Variants in NR4A3 observed in about 807,000 individuals in gnomAD.
NR4A3 encodes nuclear receptor subfamily 4 group A member 3.
Under a neutral mutation model 55.6 loss-of-function variants are expected in NR4A3, and 13 were observed. That is an observed-to-expected ratio of 0.23 (90% CI 0.15 to 0.37). The LOEUF is 0.37. Ranked by LOEUF, NR4A3 falls within the 10% of genes least tolerant of loss-of-function variation. The pLI is 1.00. For synonymous variants in NR4A3, 342 were observed against 357.9 expected (o/e 0.96, Z 0.50); for missense variants, 646 against 822.8 (o/e 0.79, Z 2.63).
chr9:99,859,609 C>T (rs756088488), intron 7 of NR4A3, among the ~76,000 whole-genome samples: 4 of 152,042 alleles, frequency 2.6e-5, no homozygotes, highest in African/African-American at 7.3e-5. Flanking sequence ...CAGGAGGTAT[C>T]GATCTCCACT....
chr9:99,834,794 A>AT, intron 5 of NR4A3: 1 of 985,422 alleles, frequency 1.0e-6, no homozygotes, highest in African/African-American at 1.7e-5. Flanking sequence ...TCTGCACCTG[A>AT]TAACAAAACG....
rs911633103 is a variant in NR4A3 at position 99,839,271 on chromosome 9, A to C, written c.1255-5378A>C. On this transcript the variant is annotated intron_variant, in intron 5 of 7. Transcript: ENST00000395097. ...AAAGTGTAAGAACCTAAGAATATGT[A>C]TACATAGTTTGACTTATACAATGAT... is the stretch of plus-strand genomic sequence containing the variant. 2.0e-5 allele frequency among the ~76,000 whole-genome samples: 3 copies of C among 152,262 alleles called. No homozygotes were observed. The South Asian group carries it at 6.2e-4, about 31-fold the overall frequency.
chr9:99,841,321 T>C (rs1827647466), intron 5 of NR4A3, among the ~76,000 whole-genome samples: 2 of 151,814 alleles, frequency 1.3e-5, no homozygotes. Flanking sequence ...TTTGCTCCCA[T>C]GGTCTATTAC....
rs1303671764 is a variant in NR4A3 at position 99,864,171 on chromosome 9, C to G, written c.*304C>G. The G allele has an allele frequency of 6.4e-6, 2 of 314,048 alleles. No homozygotes were observed. Among genetic ancestry groups the G allele is most frequent in the African/African-American group, 4.2e-5 (2 of 47,706 alleles). 19.5% of individuals were successfully genotyped at this position (314,048 alleles called of 1,614,324 possible). On this transcript the variant is annotated 3_prime_UTR_variant, in exon 8 of 8. Transcript: ENST00000395097. ...ACAAAGCACTTTTGGACAATGCTATCCCAGCAGGAAAAAAAAGGATAATAT... is the reference window on the plus strand; with the variant it reads ...ACAAAGCACTTTTGGACAATGCTATGCCAGCAGGAAAAAAAAGGATAATAT...
At chr9:99,841,493 T>C (rs565925867) in intron 5 of NR4A3, among the ~76,000 whole-genome samples, 1 of 152,322 alleles carries the variant, frequency 6.6e-6, no homozygotes, top group African/African-American at 2.4e-5. Flanking sequence ...TTCATAAATA[T>C]GGAAGCTGAG....
intron 7 of NR4A3, among the ~76,000 whole-genome samples, chr9:99,862,859 G>T (rs1828032260): frequency 2.6e-5 from 4 of 152,082 alleles, no homozygotes. Flanking sequence ...ATTATAACAT[G>T]CCTGCACCAC....
At chr9:99,836,435 C>T (rs1047952024) in intron 5 of NR4A3, among the ~76,000 whole-genome samples, 1 of 152,242 alleles carries the variant, frequency 6.6e-6, no homozygotes, top group Non-Finnish European at 1.5e-5. Flanking sequence ...TATGGGCAGA[C>T]CCAAGTTGAT....
At chr9:99,838,158 A>G (rs1354715809) in intron 5 of NR4A3, among the ~76,000 whole-genome samples, 1 of 152,248 alleles carries the variant, frequency 6.6e-6, no homozygotes, top group Admixed American at 6.5e-5. Flanking sequence ...CAATACAAGT[A>G]TGTATAGATA....
intron 7 of NR4A3, among the ~76,000 whole-genome samples, chr9:99,857,186 A>G (rs1467577457): frequency 6.6e-6 from 1 of 152,174 alleles, no homozygotes; most frequent in Non-Finnish European, 1.5e-5. Flanking sequence ...AGTTCTTGCA[A>G]TGGATTAAAT....
At chr9:99,852,084 G>A (rs1230122652) in intron 7 of NR4A3, among the ~76,000 whole-genome samples, 2 of 152,160 alleles carry the variant, frequency 1.3e-5, no homozygotes, top group Non-Finnish European at 2.9e-5. Flanking sequence ...GCAGTGTAGA[G>A]TAAGTCCAGA....
chr9:99,827,270 G>A (rs150537491), intron 2 of NR4A3, among the ~76,000 whole-genome samples: 1,424 of 130,918 alleles, frequency 0.011, 23 homozygotes, highest in Admixed American at 0.055. Flanking sequence ...GTGTGTGTGT[G>A]TGTGTGTGTG....
In NR4A3 at chr9:99,865,329, G is replaced by A. The variant is rs1248131599; in HGVS notation, c.*1462G>A. On this transcript the variant is annotated 3_prime_UTR_variant, in exon 8 of 8. Transcript: ENST00000395097. The surrounding 1 kb of genome is among the most constrained non-coding windows in gnomAD (Gnocchi z 4.3). ...ATATATATATATATAAATATAGCAGGTTACATATATATATTTATAATGTGT... is the reference window on the plus strand; with the variant it reads ...ATATATATATATATAAATATAGCAGATTACATATATATATTTATAATGTGT... 1.2e-5 allele frequency: 2 copies of A among 171,186 alleles called. No individual in the cohort carries two copies. The highest frequency in any genetic ancestry group is 6.4e-5 in the Admixed American group (1 of 15,598). 10.6% of individuals were successfully genotyped at this position (171,186 alleles called of 1,614,324 possible).
rs941788365 is a variant in NR4A3, at chr9:99,848,505, C to T, written c.1633+890C>T. 3.9e-5 allele frequency among the ~76,000 whole-genome samples: 6 copies of T among 152,026 alleles called. No homozygotes were observed. The South Asian group carries it at 6.2e-4, about 16-fold the overall frequency. ...GATTACAGGTACCTGCCACCATGCCCGGCTAATTTTTGTATCTTTAGTAGA... is the reference window on the plus strand; with the variant it reads ...GATTACAGGTACCTGCCACCATGCCTGGCTAATTTTTGTATCTTTAGTAGA... On this transcript the variant is annotated intron_variant, in intron 7 of 7. Transcript: ENST00000395097.
chr9:99,834,785 C>T, intron 5 of NR4A3: 5 of 985,374 alleles, frequency 5.1e-6, no homozygotes, highest in Non-Finnish European at 6.0e-6. Flanking sequence ...AGCCTCCTCT[C>T]TGCACCTGAT....
chr9:99,856,958 G>A (rs1827937627), intron 7 of NR4A3, among the ~76,000 whole-genome samples: 1 of 152,220 alleles, frequency 6.6e-6, no homozygotes, highest in Non-Finnish European at 1.5e-5. Context: ...GCCAGGCACT[G>A]TGCCAAGGGC....
intron 5 of NR4A3, among the ~76,000 whole-genome samples, chr9:99,842,108 A>ATTTTT (rs10626492): frequency 7.3e-6 from 1 of 136,134 alleles, no homozygotes; most frequent in African/African-American, 2.7e-5. Flanking sequence ...GGACTCTCTG[A>ATTTTT]TTTTTTTTTT....
chr9:99,829,676 G>T (rs1827401500), intron 3 of NR4A3, among the ~76,000 whole-genome samples: 1 of 152,088 alleles, frequency 6.6e-6, no homozygotes, highest in Non-Finnish European at 1.5e-5. Flanking sequence ...TTCTTCTATG[G>T]AAAGAGCTGC....
intron 7 of NR4A3, among the ~76,000 whole-genome samples, chr9:99,860,914 G>A (rs940119385): frequency 6.6e-6 from 1 of 152,194 alleles, no homozygotes; most frequent in African/African-American, 2.4e-5. Context: ...ATAATCCATG[G>A]AGTTGGGTTT....
intron 7 of NR4A3, among the ~76,000 whole-genome samples, chr9:99,860,374 C>G (rs1269501658): frequency 1.3e-5 from 2 of 151,938 alleles, no homozygotes; most frequent in Non-Finnish European, 2.9e-5. Context: ...TTTGTTTTGT[C>G]TTGGTAATAG....
Sources: allele counts gnomAD v4.1 joint callset (sites outside exome capture counted in the v4.1 genomes callset), GRCh38; gene constraint gnomAD v4.1.1; non-coding constraint Gnocchi (gnomAD v3.1); transcripts MANE v1.5; gene names NCBI Gene and HGNC (gene_info 2026-07-23, HGNC 2026-07-21).